The following CEP126 variants were observed in gnomAD, a reference collection of about 807,000 sequenced individuals.
CEP126 encodes centrosomal protein 126, also known as centrosomal protein of 126 kDa.
Under a neutral mutation model 107.8 loss-of-function variants are expected in CEP126, and 74 were observed. The ratio of observed to expected loss-of-function variants is 0.69; its 90% CI spans 0.57 to 0.83. The LOEUF (loss-of-function observed/expected upper bound fraction) is 0.83, where lower values mean the gene tolerates loss of function less well. Ranked by LOEUF, CEP126 falls within the 40% of genes least tolerant of loss-of-function variation. CEP126 has a pLI of 0.00. For missense variants in CEP126, 1,237 were observed against 1,281.9 expected (o/e 0.96, Z 0.53); for synonymous variants, 449 against 446.0 (o/e 1.01, Z -0.08).
intron 5 of CEP126, among the ~76,000 whole-genome samples, chr11:101,960,758 A>C (rs1452267518): frequency 6.6e-6 from 1 of 152,038 alleles, no homozygotes; most frequent in Non-Finnish European, 1.5e-5. Context: ...ATAGTATGTA[A>C]ATTTTTAAAA....
chr11:101,938,512 T>G (rs1555052758), intron 2 of CEP126, among the ~76,000 whole-genome samples: 1 of 151,880 alleles, frequency 6.6e-6, no homozygotes, highest in Non-Finnish European at 1.5e-5. Context: ...GAAACTGAAG[T>G]CATTGATTTT....
At chr11:101,956,964 A>G (rs1206804373) in intron 4 of CEP126, 1 of 330,572 alleles carries the variant, frequency 3.0e-6, no homozygotes, top group Non-Finnish European at 5.9e-6. Flanking sequence ...TGAGTTTATT[A>G]GATATTTTGT....
intron 6 of CEP126, among the ~76,000 whole-genome samples, chr11:101,974,825 A>G (rs1450905300): frequency 1.3e-5 from 2 of 152,222 alleles, no homozygotes; most frequent in Non-Finnish European, 2.9e-5. Flanking sequence ...AAAAATACAT[A>G]AACAGTTTTA....
At chr11:101,977,615 A>G (rs1333125946) in intron 6 of CEP126, among the ~76,000 whole-genome samples, 4 of 144,934 alleles carry the variant, frequency 2.8e-5, no homozygotes, top group Non-Finnish European at 6.0e-5. Flanking sequence ...TGGGTGACAG[A>G]GCAAGACTCT....
intron 10 of CEP126, 24 bp from the exon 11 acceptor site, chr11:101,997,575 T>G: frequency 6.2e-7 from 1 of 1,614,032 alleles, no homozygotes; most frequent in Non-Finnish European, 8.5e-7. Context: ...GTTTGCATGC[T>G]TGTTTCTTCT....
chr11:101,992,700 A>C, intron 9 of CEP126, 78 bp from the exon 10 acceptor site: 1 of 829,864 alleles, frequency 1.2e-6, no homozygotes, highest in East Asian at 3.2e-5. Flanking sequence ...TCAGAATTTA[A>C]TATTTGATTC....
chr11:101,915,146 C>G lies in CEP126; in HGVS notation c.-139C>G. On this transcript the variant is annotated 5_prime_UTR_variant, in exon 1 of 11. Transcript: ENST00000263468. ...GCCGCTGCGCGGGAGCTAGGGCTGT[C>G]GAGGCCAACCCTTCCGCGCCCGTGA... 1 of 1,337,314 alleles carries G rather than the reference C, an allele frequency of 7.5e-7. No individual in the cohort carries two copies. The highest frequency in any genetic ancestry group is 1.0e-6 in the Non-Finnish European group (1 of 982,386). 82.8% of individuals were successfully genotyped at this position (1,337,314 alleles called of 1,614,324 possible).
chr11:101,970,791 A>T (rs1443295730), intron 6 of CEP126, among the ~76,000 whole-genome samples: 1 of 152,168 alleles, frequency 6.6e-6, no homozygotes, highest in Non-Finnish European at 1.5e-5. Flanking sequence ...TTAAATATTG[A>T]AACAAAGTTA....
intron 2 of CEP126, among the ~76,000 whole-genome samples, chr11:101,936,780 C>T (rs917820994): frequency 3.3e-5 from 5 of 152,180 alleles, no homozygotes; most frequent in Non-Finnish European, 1.5e-5. Flanking sequence ...GCATTGAATA[C>T]TGTCAAATAC....
At chr11:101,953,066 A>G (rs1365023597) in intron 4 of CEP126, among the ~76,000 whole-genome samples, 1 of 152,216 alleles carries the variant, frequency 6.6e-6, no homozygotes, top group Non-Finnish European at 1.5e-5. Flanking sequence ...CATTATCACA[A>G]TGGGTAGGCA....
chr11:101,964,928 A>C (rs1161204507), intron 6 of CEP126, among the ~76,000 whole-genome samples: 2 of 152,164 alleles, frequency 1.3e-5, no homozygotes, highest in Non-Finnish European at 2.9e-5. Context: ...TTTTCTTTAA[A>C]ACTTTTGTTA....
In CEP126 at chr11:101,919,463, T is replaced by C. The variant is rs538537086; in HGVS notation, c.129-3178T>C. ...TTTTGTTTTTTTAATGTTAAGTATA[T>C]AAAAATTCCCTTCTTTTGGACAGGT... On this transcript the variant is annotated intron_variant, in intron 1 of 10. Coordinates refer to ENST00000263468, the MANE Select transcript of CEP126 (RefSeq NM_020802.4). Among the ~76,000 whole-genome samples the C allele has an allele frequency of 9.6e-4, 146 of 152,196 alleles. 1 individual carries two copies. The highest frequency in any genetic ancestry group is 3.4e-3 in the Middle Eastern group (1 of 292).
chr11:101,946,539 G>A (rs557776185), intron 3 of CEP126, among the ~76,000 whole-genome samples: 1 of 151,662 alleles, frequency 6.6e-6, no homozygotes, highest in African/African-American at 2.4e-5. Flanking sequence ...GATATAATCA[G>A]TAGGATTCAG....
intron 4 of CEP126, among the ~76,000 whole-genome samples, chr11:101,952,582 A>C (rs1940826855): frequency 6.6e-6 from 1 of 152,184 alleles, no homozygotes; most frequent in African/African-American, 2.4e-5. Flanking sequence ...CATTTATCAA[A>C]ATGAGGACTA....
intron 2 of CEP126, among the ~76,000 whole-genome samples, chr11:101,938,337 G>T: frequency 6.8e-6 from 1 of 147,612 alleles, no homozygotes; most frequent in Non-Finnish European, 1.5e-5. Flanking sequence ...TTTCTTCATT[G>T]TTCTTGCTAG....
chr11:101,993,044 G>A, intron 10 of CEP126: 1 of 266,130 alleles, frequency 3.8e-6, no homozygotes. Context: ...AATCCTTAAA[G>A]GTCAGAATAT....
chr11:101,964,508 C>G (rs1036841512), intron 6 of CEP126, among the ~76,000 whole-genome samples: 3 of 152,000 alleles, frequency 2.0e-5, no homozygotes, highest in East Asian at 3.9e-4. Flanking sequence ...TGGCGCGTGC[C>G]TGTAATCCCT....
At chr11:101,994,574 A>G (rs924770393) in intron 10 of CEP126, among the ~76,000 whole-genome samples, 16 of 152,280 alleles carry the variant, frequency 1.1e-4, no homozygotes, top group Middle Eastern at 3.4e-3. Context: ...TCCAGCTTCA[A>G]TCTTCTGCAC....
chr11:101,966,813 T>C (rs573732759), intron 6 of CEP126, among the ~76,000 whole-genome samples: 4 of 152,222 alleles, frequency 2.6e-5, no homozygotes, highest in African/African-American at 9.6e-5. Flanking sequence ...AGGGTACATG[T>C]GGATGTTTGT....
Sources: gnomAD v4.1 joint callset for allele counts (sites outside exome capture counted in the v4.1 genomes callset) on GRCh38, gnomAD v4.1.1 for gene constraint, MANE v1.5 for transcripts, NCBI Gene and HGNC (gene_info 2026-07-23, HGNC 2026-07-21) for gene names.